The following PREX2 variants were observed in gnomAD, a reference collection of about 807,000 sequenced individuals.
PREX2 encodes phosphatidylinositol-3,4,5-trisphosphate dependent Rac exchange factor 2.
A neutral mutation model predicts 203.2 loss-of-function variants in PREX2; 107 were observed. The observed-to-expected ratio is 0.53, with a 90% CI of 0.45 to 0.62. PREX2 has a LOEUF of 0.62. Ranked by LOEUF, PREX2 falls within the 20% of genes least tolerant of loss-of-function variation. PREX2 has a pLI of 0.00. For synonymous variants in PREX2, 672 were observed against 663.6 expected (o/e 1.01, Z -0.19); for missense variants, 1,777 against 1,955.9 (o/e 0.91, Z 1.72).
chr8:68,034,347 A>T (rs1448189823), intron 6 of PREX2, among the ~76,000 whole-genome samples: 2 of 152,120 alleles, frequency 1.3e-5, no homozygotes, highest in Non-Finnish European at 2.9e-5. Flanking sequence ...CATTTCATAG[A>T]ACAGGATCAT....
chr8:68,013,490 A>G (rs1807324804), intron 1 of PREX2, among the ~76,000 whole-genome samples: 1 of 151,906 alleles, frequency 6.6e-6, no homozygotes, highest in Non-Finnish European at 1.5e-5. Flanking sequence ...CCACCCCAAA[A>G]CCTTCTTCAC....
Position 68,124,414 on chromosome 8 carries a change from C to A in PREX2, c.3725-2964C>A, listed in dbSNP as rs573610510. On this transcript the variant is annotated intron_variant, in intron 30 of 39. Coordinates refer to ENST00000288368, the MANE Select transcript of PREX2 (RefSeq NM_024870.4). ...GAGAAAACCAAATACCACATGTTCTCATTTATAAGTGGAAGCTAAATGATG... is the reference window on the plus strand; with the variant it reads ...GAGAAAACCAAATACCACATGTTCTAATTTATAAGTGGAAGCTAAATGATG... Among the ~76,000 whole-genome samples the A allele has an allele frequency of 3.4e-4, 52 of 152,160 alleles. No individual in the cohort carries two copies. In the Middle Eastern group the frequency reaches 0.017, roughly 50 times the overall value.
chr8:68,208,074 G>A (rs78245380), intron 37 of PREX2, among the ~76,000 whole-genome samples: 5,296 of 152,196 alleles, frequency 0.035, 320 homozygotes, highest in African/African-American at 0.12. Flanking sequence ...TTTTAAAAAG[G>A]TCACCTTCAC....
chr8:67,962,605 ATT>A (rs11309279), intron 1 of PREX2, among the ~76,000 whole-genome samples: 27 of 147,428 alleles, frequency 1.8e-4, no homozygotes, highest in East Asian at 7.9e-4. Flanking sequence ...TATATATTTT[ATT>A]TTTTTTTTTA....
chr8:68,060,865 C>T, intron 11 of PREX2, 86 bp downstream of exon 11: 9 of 863,134 alleles, frequency 1.0e-5, no homozygotes, highest in Non-Finnish European at 1.6e-5. Context: ...GTTTACAATT[C>T]CCCACATTAT....
chr8:68,031,124 T>A (rs1807871222), intron 6 of PREX2, among the ~76,000 whole-genome samples: 1 of 152,190 alleles, frequency 6.6e-6, no homozygotes. Context: ...ATCTTATTTT[T>A]AAGGTTTATT....
intron 1 of PREX2, among the ~76,000 whole-genome samples, chr8:68,015,462 A>G (rs188696791): frequency 4.9e-4 from 74 of 152,334 alleles, no homozygotes; most frequent in African/African-American, 1.7e-3. Context: ...AGATAAAGAC[A>G]TGGTTTACTT....
At chr8:67,984,912 T>G (rs1256448481) in intron 1 of PREX2, among the ~76,000 whole-genome samples, 1 of 151,728 alleles carries the variant, frequency 6.6e-6, no homozygotes, top group African/African-American at 2.4e-5. Flanking sequence ...CCTCACCACC[T>G]CCCCTTTCCT....
At chr8:68,139,616 G>A (rs527618821) in intron 33 of PREX2, among the ~76,000 whole-genome samples, 2 of 152,330 alleles carry the variant, frequency 1.3e-5, no homozygotes, top group East Asian at 3.9e-4. Context: ...GAAGCCCAGT[G>A]ATCAGTTAGA....
intron 17 of PREX2, 97 bp downstream of exon 17, chr8:68,080,935 C>A: frequency 1.3e-6 from 1 of 759,012 alleles, no homozygotes; most frequent in Non-Finnish European, 2.3e-6. Context: ...GATAATCAGC[C>A]TTGAAATTAT....
chr8:68,103,058 G>C (rs1427459933), intron 23 of PREX2: 1 of 458,930 alleles, frequency 2.2e-6, no homozygotes, highest in Non-Finnish European at 4.4e-6. Context: ...TGGGTATTGG[G>C]AGTACTTCCT....
Position 68,047,486 on chromosome 8 carries a change from TATATATATATATATATATATACAC to T in PREX2, c.943+2900_943+2923del, listed in dbSNP as rs1330221044. 4.0e-4 allele frequency among the ~76,000 whole-genome samples: 41 copies of T among 103,530 alleles called. 1 individual carries two copies. The East Asian group carries it at 4.1e-3, about 10-fold the overall frequency. The allele number at this position is 103,530 out of a possible 152,430, so 67.9% of individuals were successfully genotyped here. A position where few individuals can be genotyped will look rare whatever the true frequency, so the allele number is the denominator to read the frequency against. ...GGATGAATTTATATATATATATATA[TATATATATATATATATATATACAC>T]ATACATATATATATATGTATTTTTT... is the stretch of plus-strand genomic sequence containing the variant. On this transcript the variant is annotated intron_variant, in intron 8 of 39. Coordinates refer to ENST00000288368, the MANE Select transcript of PREX2 (RefSeq NM_024870.4).
rs34561375 is a variant in PREX2, at chr8:68,076,842, A to AT, written c.1570-544dup. On this transcript the variant is annotated intron_variant, in intron 14 of 39. Transcript: ENST00000288368. ...TTGTTGGATTCAGTTAAATGATCTG[A>AT]TTTTTTTTTTTGGCAAAATAATGAA... 2.8e-4 allele frequency among the ~76,000 whole-genome samples: 42 copies of AT among 150,058 alleles called. 1 individual carries two copies. The highest frequency in any genetic ancestry group is 2.5e-3 in the South Asian group (12 of 4,744).
intron 26 of PREX2, among the ~76,000 whole-genome samples, chr8:68,117,915 T>C (rs1284210634): frequency 6.6e-6 from 1 of 152,248 alleles, no homozygotes; most frequent in Non-Finnish European, 1.5e-5. Context: ...TAGCAAGTTA[T>C]CTAATTACTG....
At chr8:68,188,787 C>T (rs1812239751) in intron 35 of PREX2, among the ~76,000 whole-genome samples, 1 of 152,108 alleles carries the variant, frequency 6.6e-6, no homozygotes, top group Non-Finnish European at 1.5e-5. Flanking sequence ...CTCCATCTGG[C>T]CCCACCCTTG....
At chr8:68,083,147 A>C in intron 17 of PREX2, 93 bp from the exon 18 acceptor site, 1 of 882,334 alleles carries the variant, frequency 1.1e-6, no homozygotes, top group Admixed American at 2.6e-5. Flanking sequence ...AATATCTATA[A>C]GCTCTGAAAC....
chr8:68,166,371 G>A (rs775578942), intron 35 of PREX2, among the ~76,000 whole-genome samples: 2 of 152,088 alleles, frequency 1.3e-5, no homozygotes, highest in African/African-American at 4.8e-5. Flanking sequence ...CAAATATGTC[G>A]ACCTAAAAGG....
intron 1 of PREX2, among the ~76,000 whole-genome samples, chr8:67,980,219 GGA>G (rs1345445932): frequency 6.6e-6 from 1 of 152,196 alleles, no homozygotes; most frequent in Non-Finnish European, 1.5e-5. Flanking sequence ...TGGGTAAAGA[GGA>G]GAGGGGAAGA....
At chr8:68,109,795 T>A (rs2129612838) in intron 25 of PREX2, among the ~76,000 whole-genome samples, 172 bp downstream of exon 25, 1 of 152,216 alleles carries the variant, frequency 6.6e-6, no homozygotes, top group South Asian at 2.1e-4. Flanking sequence ...ATGGAAAAAA[T>A]ACATATAGGT....
Sources: gnomAD v4.1 joint callset for allele counts (sites outside exome capture counted in the v4.1 genomes callset) on GRCh38, gnomAD v4.1.1 for gene constraint, MANE v1.5 for transcripts, NCBI Gene and HGNC (gene_info 2026-07-23, HGNC 2026-07-21) for gene names.